Variants in NXPH1 observed in about 807,000 individuals in gnomAD.
NXPH1 encodes the protein neurexophilin 1.
Under a neutral mutation model 23.7 loss-of-function variants are expected in NXPH1, and 5 were observed. That is an observed-to-expected ratio of 0.21 (90% CI 0.11 to 0.44). The LOEUF is 0.44. Ranked by LOEUF, NXPH1 falls within the 20% of genes least tolerant of loss-of-function variation. The probability of loss-of-function intolerance (pLI) is 0.99; values close to 1 mark genes in which losing one functional copy is unlikely to be tolerated. For synonymous variants in NXPH1, 144 were observed against 122.2 expected, an observed-to-expected ratio of 1.18 and a Z score of -1.18; for missense variants, 324 against 321.6, an observed-to-expected ratio of 1.01 and a Z score of -0.06.
chr7:8,681,996 G>C (rs1278295064), intron 2 of NXPH1, among the ~76,000 whole-genome samples: 1 of 152,164 alleles, frequency 6.6e-6, no homozygotes, highest in African/African-American at 2.4e-5. Context: ...AAAGCAAGGA[G>C]GCAAGGGAGG....
chr7:8,710,645 T>TATGATAACACAAGGATAC (rs369421384), intron 2 of NXPH1, among the ~76,000 whole-genome samples: 6 of 61,820 alleles, frequency 9.7e-5, no homozygotes, highest in South Asian at 6.8e-4. Flanking sequence ...GTTACGTTTT[T>TATGATAACACAAGGATAC]TGTTTTTTTT....
intron 2 of NXPH1, among the ~76,000 whole-genome samples, chr7:8,455,930 C>T (rs1304165146): frequency 1.3e-5 from 2 of 152,110 alleles, no homozygotes; most frequent in Non-Finnish European, 2.9e-5. Flanking sequence ...ATTTCCTGAC[C>T]CTTATAGAGA....
chr7:8,467,512 AC>A (rs1304853369), intron 2 of NXPH1, among the ~76,000 whole-genome samples: 1 of 152,136 alleles, frequency 6.6e-6, no homozygotes, highest in Non-Finnish European at 1.5e-5. Context: ...CTTACATCTT[AC>A]ACTCTTTATG....
intron 2 of NXPH1, among the ~76,000 whole-genome samples, chr7:8,669,915 G>A (rs955652186): frequency 6.6e-6 from 1 of 152,158 alleles, no homozygotes; most frequent in Non-Finnish European, 1.5e-5. Context: ...AGGGATAGTT[G>A]TTCAAATTGA....
intron 2 of NXPH1, among the ~76,000 whole-genome samples, chr7:8,446,635 T>C (rs902390244): frequency 1.3e-5 from 2 of 152,120 alleles, no homozygotes; most frequent in Non-Finnish European, 2.9e-5. Flanking sequence ...ACAGGCACAA[T>C]TTGAGGTCCT....
At chr7:8,671,580 C>T (rs1378974875) in intron 2 of NXPH1, among the ~76,000 whole-genome samples, 1 of 152,110 alleles carries the variant, frequency 6.6e-6, no homozygotes, top group Non-Finnish European at 1.5e-5. Context: ...CTTAAAGAAG[C>T]TCTTTCTACA....
chr7:8,488,993 G>A (rs979225432), intron 2 of NXPH1, among the ~76,000 whole-genome samples: 2 of 152,152 alleles, frequency 1.3e-5, no homozygotes, highest in Non-Finnish European at 2.9e-5. Flanking sequence ...TGTGGTTGAA[G>A]AGTCTTTGGA....
intron 2 of NXPH1, among the ~76,000 whole-genome samples, chr7:8,586,816 G>A (rs921870969): frequency 9.2e-5 from 14 of 151,912 alleles, no homozygotes; most frequent in Admixed American, 3.9e-4. Context: ...TTGATAATGT[G>A]GAGTAAGGTA....
intron 2 of NXPH1, among the ~76,000 whole-genome samples, chr7:8,740,743 A>C (rs1301740180): frequency 6.7e-6 from 1 of 149,022 alleles, no homozygotes; most frequent in African/African-American, 2.5e-5. Context: ...TTATTTATTT[A>C]TTCCCAGCTT....
intron 2 of NXPH1, among the ~76,000 whole-genome samples, chr7:8,445,652 C>T (rs1035617026): frequency 1.3e-5 from 2 of 152,206 alleles, no homozygotes; most frequent in Admixed American, 1.3e-4. Context: ...TTTTAAAGAG[C>T]CTTTTTCATT....
chr7:8,502,709 A>G (rs976363177), intron 2 of NXPH1, among the ~76,000 whole-genome samples: 1 of 151,644 alleles, frequency 6.6e-6, no homozygotes, highest in Admixed American at 6.6e-5. Context: ...TGTACCCAGG[A>G]TTAAGATCCA....
At position 8,674,453 on chromosome 7, in the gene NXPH1, C is replaced by T. The variant is rs548457393; in HGVS notation, c.55-76555C>T. 9.9e-5 allele frequency among the ~76,000 whole-genome samples: 15 copies of T among 152,086 alleles called. No homozygotes were observed. The South Asian group carries it at 2.3e-3, about 23-fold the overall frequency. ...TATATTTTATGTTCAGAAAACGTAC[C>T]GTATTTAAGAAGAAAGTTCATTCTT... On this transcript the variant is annotated intron_variant, in intron 2 of 2. Transcript: ENST00000405863.
chr7:8,478,753 C>A (rs1369235771), intron 2 of NXPH1, among the ~76,000 whole-genome samples: 1 of 151,922 alleles, frequency 6.6e-6, no homozygotes, highest in Non-Finnish European at 1.5e-5. Flanking sequence ...TTGATCAAAC[C>A]AAAAGTGATT....
At chr7:8,561,351 G>GACACACACACACACACACACACACAC (rs61219039) in intron 2 of NXPH1, among the ~76,000 whole-genome samples, 3 of 140,964 alleles carry the variant, frequency 2.1e-5, no homozygotes, top group Admixed American at 2.1e-4. Context: ...AAGCCTATGT[G>GACACACACACACACACACACACACAC]ACACACACAC....
intron 2 of NXPH1, among the ~76,000 whole-genome samples, chr7:8,571,666 G>A (rs1225342950): frequency 6.6e-6 from 1 of 151,904 alleles, no homozygotes; most frequent in Non-Finnish European, 1.5e-5. Flanking sequence ...TCTCTAGTAA[G>A]CATTAACTAC....
intron 2 of NXPH1, among the ~76,000 whole-genome samples, chr7:8,584,674 A>G (rs1349152028): frequency 6.6e-6 from 1 of 152,160 alleles, no homozygotes; most frequent in Non-Finnish European, 1.5e-5. Flanking sequence ...GATTTATTAG[A>G]TCCTTAACCA....
At chr7:8,506,354 T>G (rs1365031637) in intron 2 of NXPH1, among the ~76,000 whole-genome samples, 1 of 152,118 alleles carries the variant, frequency 6.6e-6, no homozygotes, top group African/African-American at 2.4e-5. Context: ...ACATGGGTCT[T>G]TCCATGTCTT....
intron 2 of NXPH1, among the ~76,000 whole-genome samples, chr7:8,656,339 A>T (rs1820581341): frequency 6.6e-6 from 1 of 152,044 alleles, no homozygotes; most frequent in South Asian, 2.1e-4. Context: ...TTAAAATTAA[A>T]CCCTTAATAT....
intron 2 of NXPH1, among the ~76,000 whole-genome samples, chr7:8,503,087 C>T (rs944836879): frequency 9.9e-5 from 15 of 151,976 alleles, no homozygotes; most frequent in South Asian, 4.2e-4. Context: ...TTGCTTACAC[C>T]AGCTGGCAAA....
Sources: allele counts gnomAD v4.1 joint callset (sites outside exome capture counted in the v4.1 genomes callset), GRCh38; gene constraint gnomAD v4.1.1; transcripts MANE v1.5; gene names NCBI Gene and HGNC (gene_info 2026-07-23, HGNC 2026-07-21).